The following BNC2 variants were observed in gnomAD, a reference collection of about 807,000 sequenced individuals.
BNC2 encodes basonuclin zinc finger protein 2.
Under a neutral mutation model 76.3 loss-of-function variants are expected in BNC2, and 20 were observed. That is an observed-to-expected ratio of 0.26 (90% CI 0.18 to 0.38). The LOEUF is 0.38. BNC2 is among the 10% of genes least tolerant of loss of function. The pLI is 1.00. For synonymous variants in BNC2, 582 were observed against 514.8 expected (o/e 1.13, Z -1.77); for missense variants, 1,382 against 1,399.8 (o/e 0.99, Z 0.20).
At chr9:16,547,376 C>G (rs1448776847) in intron 5 of BNC2, among the ~76,000 whole-genome samples, 1 of 152,212 alleles carries the variant, frequency 6.6e-6, no homozygotes, top group Non-Finnish European at 1.5e-5. Context: ...TTTTGACAAA[C>G]TGAAGTTACT....
At chr9:16,854,925 T>C (rs1819216150) in intron 1 of BNC2, among the ~76,000 whole-genome samples, 1 of 152,022 alleles carries the variant, frequency 6.6e-6, no homozygotes, top group African/African-American at 2.4e-5. Context: ...AGAATTTCTC[T>C]ATAGGAGGAG....
intron 5 of BNC2, among the ~76,000 whole-genome samples, chr9:16,532,540 G>A (rs1172956442): frequency 6.6e-6 from 1 of 152,148 alleles, no homozygotes; most frequent in Non-Finnish European, 1.5e-5. Context: ...GCTGGCTCAT[G>A]CCAGCCTATG....
chr9:16,821,829 A>C (rs564393059), intron 1 of BNC2, among the ~76,000 whole-genome samples: 2 of 152,028 alleles, frequency 1.3e-5, no homozygotes, highest in African/African-American at 4.8e-5. Context: ...CACGGTGGGT[A>C]ATGCCTGTAA....
At chr9:16,563,923 C>G (rs942065927) in intron 4 of BNC2, among the ~76,000 whole-genome samples, 5 of 152,056 alleles carry the variant, frequency 3.3e-5, no homozygotes, top group Non-Finnish European at 7.4e-5. Flanking sequence ...ATATTTATAT[C>G]GCTTGGATTT....
intron 1 of BNC2, among the ~76,000 whole-genome samples, chr9:16,766,695 T>C (rs1218988998): frequency 6.6e-6 from 1 of 152,242 alleles, no homozygotes; most frequent in African/African-American, 2.4e-5. Flanking sequence ...CTCAAATCTT[T>C]TAAACATCTT....
intron 3 of BNC2, among the ~76,000 whole-genome samples, chr9:16,641,158 CAAAG>C (rs1330946950): frequency 2.0e-5 from 3 of 152,250 alleles, no homozygotes; most frequent in Middle Eastern, 3.4e-3. Context: ...AGTTCATTCT[CAAAG>C]AAAGACCACT....
chr9:16,558,248 G>A (rs1355902671), intron 4 of BNC2, among the ~76,000 whole-genome samples: 1 of 152,210 alleles, frequency 6.6e-6, no homozygotes, highest in Non-Finnish European at 1.5e-5. Context: ...GAATAGGCAA[G>A]TGACCTAAGT....
chr9:16,725,217 T>TCTCACA lies in BNC2; in HGVS notation c.330+2579_330+2580insTGTGAG, dbSNP rs1554717037. Among the ~76,000 whole-genome samples, 50 of 148,262 alleles carry TCTCACA rather than the reference T, an allele frequency of 3.4e-4. No homozygotes were observed. The East Asian group carries it at 4.0e-3, about 12-fold the overall frequency. ...TATAATTTCAATAAGTCTCTCTCTC[T>TCTCACA]CACACACACACACACACACACACAC... On this transcript the variant is annotated intron_variant, in intron 3 of 6. Coordinates refer to ENST00000380672, the MANE Select transcript of BNC2 (RefSeq NM_017637.6).
At chr9:16,829,177 G>C (rs1474552064) in intron 1 of BNC2, among the ~76,000 whole-genome samples, 1 of 152,236 alleles carries the variant, frequency 6.6e-6, no homozygotes, top group Non-Finnish European at 1.5e-5. Context: ...GCACGGACTT[G>C]TGAGCATTAG....
chr9:16,678,972 T>C (rs1163849387), intron 3 of BNC2, among the ~76,000 whole-genome samples: 1 of 152,190 alleles, frequency 6.6e-6, no homozygotes, highest in Non-Finnish European at 1.5e-5. Flanking sequence ...TAGTTGTTTT[T>C]AATAGCAAGA....
chr9:16,870,100 G>T (rs1819640454), intron 1 of BNC2, among the ~76,000 whole-genome samples: 1 of 152,174 alleles, frequency 6.6e-6, no homozygotes, highest in Non-Finnish European at 1.5e-5. Flanking sequence ...TTCCGAATGT[G>T]AAGACAAGGG....
intron 5 of BNC2, among the ~76,000 whole-genome samples, chr9:16,500,640 T>C (rs562619735): frequency 1.7e-4 from 26 of 152,306 alleles, no homozygotes; most frequent in Non-Finnish European, 2.2e-4. Context: ...CTTGCAAATT[T>C]TGGCCAAAGA....
At chr9:16,720,014 T>A (rs947308133) in intron 3 of BNC2, among the ~76,000 whole-genome samples, 2 of 152,224 alleles carry the variant, frequency 1.3e-5, no homozygotes, top group East Asian at 3.8e-4. Context: ...TCTCTTCAAC[T>A]AAGTACTTTC....
At chr9:16,728,249 A>G in intron 2 of BNC2, 1 of 558,726 alleles carries the variant, frequency 1.8e-6, no homozygotes, top group South Asian at 2.0e-5. Flanking sequence ...TGGAGACCCA[A>G]CCATCAGCTT....
At chr9:16,421,351 G>A (rs1488871492) in intron 6 of BNC2, 2 of 1,135,266 alleles carry the variant, frequency 1.8e-6, no homozygotes, top group Non-Finnish European at 2.4e-6. Context: ...GAAAGAAAGA[G>A]AAAGAGAGAG....
chr9:16,563,095 C>T (rs577265946), intron 4 of BNC2, among the ~76,000 whole-genome samples: 30 of 152,206 alleles, frequency 2.0e-4, no homozygotes, highest in Admixed American at 4.6e-4. Flanking sequence ...GTCAGTCCCA[C>T]TGATCAAATA....
chr9:16,846,155 AAT>A (rs1459117598), intron 1 of BNC2, among the ~76,000 whole-genome samples: 1 of 149,618 alleles, frequency 6.7e-6, no homozygotes, highest in East Asian at 2.1e-4. Flanking sequence ...AAAAAAAAAA[AAT>A]TAATTTAGTA....
rs746276703 is a variant in BNC2, at chr9:16,436,706, G to A, written c.1488C>T (p.Arg496=). The A allele has an allele frequency of 1.3e-5, 21 of 1,614,004 alleles. No homozygotes were observed. In the East Asian group the frequency reaches 4.5e-4, roughly 34 times the overall value. ...RNRHSANPNP[R]LHMPMLRNNR... ...TATTCCTTAGCATAGGCATGTGAAG[G>A]CGAGGATTGGGGTTTGCACTGTGGC... The change falls in exon 6 of 7, where the codon CGC becomes CGT. Residue 496 remains arginine (R), a synonymous_variant. Transcript: ENST00000380672.
intron 3 of BNC2, among the ~76,000 whole-genome samples, chr9:16,619,419 C>T (rs1820802614): frequency 6.6e-6 from 1 of 151,872 alleles, no homozygotes; most frequent in Admixed American, 6.6e-5. Context: ...CCATAAAAAT[C>T]CAGTCCACAA....
Sources: gnomAD v4.1 joint callset for allele counts (sites outside exome capture counted in the v4.1 genomes callset) on GRCh38, gnomAD v4.1.1 for gene constraint, MANE v1.5 for transcripts, NCBI Gene and HGNC (gene_info 2026-07-23, HGNC 2026-07-21) for gene names.